Variants in SLC5A4 observed in about 807,000 individuals in gnomAD.
SLC5A4 encodes probable glucose sensor protein SLC5A4.
In SLC5A4, 55 loss-of-function variants were observed where a neutral mutation model predicts 70.3. The ratio of observed to expected loss-of-function variants is 0.78; its 90% CI spans 0.63 to 0.98. The LOEUF (loss-of-function observed/expected upper bound fraction) is 0.98. Among genes scored for constraint, SLC5A4 ranks in the 50% least tolerant of loss-of-function variants. The probability of loss-of-function intolerance (pLI) is 0.00; values close to 1 mark genes in which losing one functional copy is unlikely to be tolerated. For missense variants in SLC5A4, 735 were observed against 839.2 expected, an observed-to-expected ratio of 0.88 and a Z score of 1.53; for synonymous variants, 268 against 305.7, an observed-to-expected ratio of 0.88 and a Z score of 1.29.
At chr22:32,235,583 T>A (rs1926010913) in intron 7 of SLC5A4, among the ~76,000 whole-genome samples, 1 of 152,096 alleles carries the variant, frequency 6.6e-6, no homozygotes, top group South Asian at 2.1e-4. Context: ...TGCAACACTA[T>A]ATTTTGCCTG....
chr22:32,313,249 T>C, the SLC5A4 span, among the ~76,000 whole-genome samples: 1 of 152,190 alleles, frequency 6.6e-6, no homozygotes, highest in African/African-American at 2.4e-5. Flanking sequence ...ACCTCAGCAG[T>C]TACTAGGGTA....
At chr22:32,352,665 C>G in the SLC5A4 span, among the ~76,000 whole-genome samples, 3 of 152,148 alleles carry the variant, frequency 2.0e-5, no homozygotes, top group Non-Finnish European at 4.4e-5. Flanking sequence ...CCCCCCAACG[C>G]TCCGACCTGC....
chr22:32,328,750 G>A, the SLC5A4 span, among the ~76,000 whole-genome samples: 1 of 152,228 alleles, frequency 6.6e-6, no homozygotes, highest in African/African-American at 2.4e-5. Flanking sequence ...TTAAGCTGCT[G>A]ACTTGTGGGG....
At chr22:32,291,321 G>A in the SLC5A4 span, among the ~76,000 whole-genome samples, 3 of 151,444 alleles carry the variant, frequency 2.0e-5, no homozygotes, top group Admixed American at 6.6e-5. Flanking sequence ...GATTACAGGC[G>A]TGCGCCACCA....
chr22:32,343,121 A>G, the SLC5A4 span: 3 of 152,236 alleles, frequency 2.0e-5, no homozygotes, highest in Admixed American at 6.5e-5. Flanking sequence ...AAAGGTCTTT[A>G]TGACCATGTC....
At chr22:32,236,779 G>A (rs1317125510) in intron 7 of SLC5A4, among the ~76,000 whole-genome samples, 4 of 149,728 alleles carry the variant, frequency 2.7e-5, no homozygotes, top group East Asian at 2.0e-4. Context: ...ATCTCGGCTC[G>A]CTGCAACCTC....
chr22:32,258,329 T>A (rs763641613), upstream of SLC5A4, among the ~76,000 whole-genome samples: 18 of 152,156 alleles, frequency 1.2e-4, no homozygotes, highest in Non-Finnish European at 2.5e-4. Flanking sequence ...CAATGCTATG[T>A]TGAATAGAGG....
the SLC5A4 span, among the ~76,000 whole-genome samples, chr22:32,280,150 G>A: frequency 6.6e-6 from 1 of 152,100 alleles, no homozygotes; most frequent in Non-Finnish European, 1.5e-5. Flanking sequence ...GGAGTAGCTG[G>A]GATTACAGGC....
the SLC5A4 span, among the ~76,000 whole-genome samples, chr22:32,344,285 C>A: frequency 6.6e-5 from 10 of 152,114 alleles, no homozygotes; most frequent in Non-Finnish European, 1.0e-4. Context: ...TTTCATTGCA[C>A]TAGTTTCCAG....
the SLC5A4 span, among the ~76,000 whole-genome samples, chr22:32,305,492 C>G: frequency 6.7e-6 from 1 of 148,984 alleles, no homozygotes; most frequent in Non-Finnish European, 1.5e-5. Context: ...TGCCACCATC[C>G]ATTGCCTGGG....
the SLC5A4 span, among the ~76,000 whole-genome samples, chr22:32,316,757 C>T: frequency 6.6e-6 from 1 of 151,752 alleles, no homozygotes; most frequent in Non-Finnish European, 1.5e-5. Flanking sequence ...AGTCTGGTCT[C>T]GAACTCCTGA....
Position 32,218,481 on chromosome 22 carries a change from A to C in SLC5A4, c.*33T>G, listed in dbSNP as rs1246121965. ...AATTATCCTTTGGTTCATTATTAAG[A>C]ATTATTCATTATTCTAATGGCTCAG... On this transcript the variant is annotated 3_prime_UTR_variant, in exon 15 of 15. Transcript: ENST00000266086. The C allele has an allele frequency of 1.6e-6, 2 of 1,279,896 alleles. No individual in the cohort carries two copies. The highest frequency in any genetic ancestry group is 2.2e-6 in the Non-Finnish European group (2 of 906,938). 79.3% of individuals were successfully genotyped at this position (1,279,896 alleles called of 1,614,324 possible).
chr22:32,225,746 A>G lies in SLC5A4; in HGVS notation c.1358T>C (p.Ile453Thr). ...GCTAGAAATTGATTCTGTGTAATGG[A>G]TTAGTTGTCCATTTTGAGAAACTTG... ...LVQVSQNGQL[I>T]HYTESISSYL... is the part of the protein sequence containing the mutation. Residue 453 changes from isoleucine (I) to threonine (T), a missense_variant, in exon 12 of 15, where the codon ATC (isoleucine) becomes ACC (threonine). Ile to Thr is a moderately conservative substitution (Grantham distance 89). Coordinates refer to ENST00000266086, the MANE Select transcript of SLC5A4 (RefSeq NM_014227.3). 1 of 1,612,332 alleles carries G rather than the reference A, an allele frequency of 6.2e-7. No homozygotes were observed. Among genetic ancestry groups the G allele is most frequent in the Non-Finnish European group, 8.5e-7 (1 of 1,178,378 alleles).
At chr22:32,304,753 T>C in the SLC5A4 span, among the ~76,000 whole-genome samples, 1 of 152,210 alleles carries the variant, frequency 6.6e-6, no homozygotes, top group African/African-American at 2.4e-5. Context: ...ACTTATCAAT[T>C]CTCTCTTTCA....
the SLC5A4 span, among the ~76,000 whole-genome samples, chr22:32,344,263 CTG>C: frequency 6.6e-6 from 1 of 152,116 alleles, no homozygotes; most frequent in Non-Finnish European, 1.5e-5. Context: ...TTCACTCCTG[CTG>C]TGTTTTGTTT....
the SLC5A4 span, among the ~76,000 whole-genome samples, chr22:32,289,723 A>G: frequency 2.0e-5 from 3 of 152,152 alleles, no homozygotes; most frequent in African/African-American, 7.2e-5. Flanking sequence ...TCTTTTCTTT[A>G]TAAGTTACCC....
chr22:32,306,218 C>CAAA, the SLC5A4 span, among the ~76,000 whole-genome samples: 2 of 152,190 alleles, frequency 1.3e-5, no homozygotes, highest in African/African-American at 4.8e-5. Context: ...GTAATCCCAG[C>CAAA]ACTTTGGGAG....
intron 8 of SLC5A4, among the ~76,000 whole-genome samples, chr22:32,233,568 T>C (rs753153383): frequency 3.3e-5 from 5 of 152,084 alleles, no homozygotes; most frequent in African/African-American, 4.8e-5. Context: ...TTGGATAAGG[T>C]TGGGCACCAG....
At chr22:32,303,343 G>A in the SLC5A4 span, among the ~76,000 whole-genome samples, 1 of 152,192 alleles carries the variant, frequency 6.6e-6, no homozygotes, top group East Asian at 1.9e-4. Flanking sequence ...AGAGACAAAT[G>A]TTTGCATTCT....
Sources: allele counts gnomAD v4.1 joint callset (sites outside exome capture counted in the v4.1 genomes callset), GRCh38; gene constraint gnomAD v4.1.1; transcripts MANE v1.5; gene names NCBI Gene and HGNC (gene_info 2026-07-23, HGNC 2026-07-21).